Variants in MARCHF1 observed in about 807,000 individuals in gnomAD.
The protein encoded by MARCHF1 is membrane associated ring-CH-type finger 1.
A neutral mutation model predicts 54.2 loss-of-function variants in MARCHF1; 40 were observed. The observed-to-expected ratio is 0.74, with a 90% CI of 0.57 to 0.96. The LOEUF (loss-of-function observed/expected upper bound fraction) is 0.96, where lower values mean the gene tolerates loss of function less well. MARCHF1 is among the 40% of genes least tolerant of loss of function. The pLI is 0.00. For synonymous variants in MARCHF1, 236 were observed against 236.3 expected (o/e 1.00, Z 0.01); for missense variants, 586 against 656.5 (o/e 0.89, Z 1.17).
intron 3 of MARCHF1, among the ~76,000 whole-genome samples, chr4:163,877,718 TAAC>T (rs1284002008): frequency 1.3e-5 from 2 of 152,166 alleles, no homozygotes; most frequent in South Asian, 2.1e-4. Flanking sequence ...GCAAAATATG[TAAC>T]AACTTGGGCA....
At chr4:164,274,229 A>G (rs1733814793) in intron 1 of MARCHF1, among the ~76,000 whole-genome samples, 1 of 152,234 alleles carries the variant, frequency 6.6e-6, no homozygotes, top group South Asian at 2.1e-4. Context: ...GTAAGTGGAT[A>G]GAAAATCGTA....
chr4:163,545,839 A>T (rs1005957610), intron 8 of MARCHF1, 96 bp from the exon 9 acceptor site: 1 of 1,033,128 alleles, frequency 9.7e-7, no homozygotes, highest in African/African-American at 1.6e-5. Context: ...TGGAAGAAAA[A>T]CAGTAAATAT....
rs534155774 is a variant in MARCHF1, at chr4:164,191,469, T to C, written c.-322-79807A>G. Among the ~76,000 whole-genome samples, 250 of 152,346 alleles carry C rather than the reference T, an allele frequency of 1.6e-3. 1 individual carries two copies. The highest frequency in any genetic ancestry group is 2.9e-3 in the Admixed American group (45 of 15,304). ...CATTTTGTTTTCTCTCTGAGTATAATATTTGTAATTATCTTTGCAATTGTC... is the reference window on the plus strand; with the variant it reads ...CATTTTGTTTTCTCTCTGAGTATAACATTTGTAATTATCTTTGCAATTGTC... On this transcript the variant is annotated intron_variant, in intron 1 of 9. Coordinates refer to ENST00000514618, the MANE Select transcript of MARCHF1 (RefSeq NM_001394959.1).
intron 3 of MARCHF1, among the ~76,000 whole-genome samples, chr4:163,938,727 G>T (rs1751851319): frequency 6.6e-6 from 1 of 152,130 alleles, no homozygotes; most frequent in Non-Finnish European, 1.5e-5. Context: ...AGCTGGGGAG[G>T]CCTCAGGAAA....
intron 4 of MARCHF1, among the ~76,000 whole-genome samples, chr4:163,707,729 C>T (rs1744989221): frequency 7.0e-6 from 1 of 142,440 alleles, no homozygotes; most frequent in South Asian, 2.2e-4. Flanking sequence ...GAAATACAAG[C>T]ACTAGTATAT....
At position 163,600,166 on chromosome 4, in the gene MARCHF1, A is replaced by C. The variant is rs143693911; in HGVS notation, c.1010+12105T>G. Among the ~76,000 whole-genome samples, 531 of 152,158 alleles carry C rather than the reference A, an allele frequency of 3.5e-3. 4 individuals carry two copies. The highest frequency in any genetic ancestry group is 8.6e-3 in the Admixed American group (131 of 15,278). The stretch of plus-strand genomic sequence containing the variant: ...CACACATATATCTATTTATATACAC[A>C]CATATATAAATTTATATACATATAT... On this transcript the variant is annotated intron_variant, in intron 7 of 9. Coordinates refer to ENST00000514618, the MANE Select transcript of MARCHF1 (RefSeq NM_001394959.1).
intron 1 of MARCHF1, among the ~76,000 whole-genome samples, chr4:164,118,327 G>T (rs1324663631): frequency 1.3e-5 from 2 of 150,788 alleles, no homozygotes; most frequent in Admixed American, 6.6e-5. Flanking sequence ...ACAGCAAAAA[G>T]AAATTATTAA....
At chr4:163,574,031 T>A (rs1218883316) in intron 8 of MARCHF1, among the ~76,000 whole-genome samples, 12 of 152,130 alleles carry the variant, frequency 7.9e-5, no homozygotes, top group Non-Finnish European at 1.8e-4. Flanking sequence ...GATATCTCAT[T>A]GTGGTTTTGA....
chr4:164,268,795 A>G (rs1229291217), intron 1 of MARCHF1, among the ~76,000 whole-genome samples: 3 of 152,190 alleles, frequency 2.0e-5, no homozygotes, highest in Non-Finnish European at 2.9e-5. Flanking sequence ...TGAAAATATA[A>G]CAATTTTATG....
In MARCHF1 at chr4:163,536,483, G is replaced by C. The variant is rs151132596; in HGVS notation, c.1340-7437C>G. 3.9e-3 allele frequency among the ~76,000 whole-genome samples: 588 copies of C among 152,078 alleles called. 7 individuals carry two copies. The highest frequency in any genetic ancestry group is 0.013 in the African/African-American group (560 of 41,486). ...TGTTACACTTCCATGTTATTTCTCC[G>C]TGTGCAGTATGAGCTCACTTTCTAA... On this transcript the variant is annotated intron_variant, in intron 9 of 9. Coordinates refer to ENST00000514618, the MANE Select transcript of MARCHF1 (RefSeq NM_001394959.1).
intron 5 of MARCHF1, among the ~76,000 whole-genome samples, chr4:163,681,337 T>C (rs1744095826): frequency 6.6e-6 from 1 of 152,162 alleles, no homozygotes; most frequent in Admixed American, 6.5e-5. Flanking sequence ...TAAGGGAAGC[T>C]CTTTAGGAAA....
chr4:163,823,785 AAAT>A (rs1219935659), intron 4 of MARCHF1, among the ~76,000 whole-genome samples: 1 of 151,896 alleles, frequency 6.6e-6, no homozygotes, highest in Non-Finnish European at 1.5e-5. Context: ...AAGAATAATC[AAAT>A]AATGTTGAGC....
intron 2 of MARCHF1, among the ~76,000 whole-genome samples, chr4:164,102,823 T>C (rs369727970): frequency 7.6e-6 from 1 of 131,784 alleles, no homozygotes; most frequent in South Asian, 2.6e-4. Flanking sequence ...GACTGGCAAA[T>C]TGGATAAAGA....
At chr4:163,831,244 G>C (rs975425779) in intron 4 of MARCHF1, among the ~76,000 whole-genome samples, 1 of 152,134 alleles carries the variant, frequency 6.6e-6, no homozygotes, top group African/African-American at 2.4e-5. Flanking sequence ...CAAGGAAATT[G>C]CCCAGGTGGA....
At chr4:164,041,694 G>T (rs925532100) in intron 2 of MARCHF1, among the ~76,000 whole-genome samples, 1 of 152,110 alleles carries the variant, frequency 6.6e-6, no homozygotes, top group African/African-American at 2.4e-5. Flanking sequence ...AATTATAAAT[G>T]CTAACTGTTG....
intron 1 of MARCHF1, chr4:164,383,574 G>T (rs774308348): frequency 6.6e-6 from 1 of 152,324 alleles, no homozygotes; most frequent in African/African-American, 2.4e-5. Context: ...CAGAGCGGGC[G>T]CTGGGGGCCA....
chr4:163,951,572 G>C (rs1391297308), intron 3 of MARCHF1, among the ~76,000 whole-genome samples: 1 of 152,158 alleles, frequency 6.6e-6, no homozygotes, highest in African/African-American at 2.4e-5. Context: ...AGGGAGCAAG[G>C]ACTACAATCT....
At chr4:163,958,207 C>A (rs772747827) in intron 3 of MARCHF1, among the ~76,000 whole-genome samples, 9 of 151,414 alleles carry the variant, frequency 5.9e-5, no homozygotes, top group Non-Finnish European at 1.3e-4. Flanking sequence ...TTTAAAACAG[C>A]AAACTTTTGC....
chr4:163,800,188 G>C (rs1748038992), intron 4 of MARCHF1, among the ~76,000 whole-genome samples: 1 of 151,872 alleles, frequency 6.6e-6, no homozygotes. Context: ...ATTATACCTG[G>C]GGAATGGAAT....
Sources: allele counts gnomAD v4.1 joint callset (sites outside exome capture counted in the v4.1 genomes callset), GRCh38; gene constraint gnomAD v4.1.1; transcripts MANE v1.5; gene names NCBI Gene and HGNC (gene_info 2026-07-23, HGNC 2026-07-21).